Variants in MIB1 observed in about 807,000 individuals in gnomAD.
MIB1 encodes the protein E3 ubiquitin-protein ligase MIB1.
Under a neutral mutation model 124.5 loss-of-function variants are expected in MIB1, and 278 were observed. The ratio of observed to expected loss-of-function variants is 2.23; its 90% CI spans 2.02 to 2.47. MIB1 has a LOEUF of 2.47. Among genes scored for constraint, MIB1 ranks in the 30% most tolerant of loss-of-function variants. The probability of loss-of-function intolerance (pLI) is 0.00; values close to 1 mark genes in which losing one functional copy is unlikely to be tolerated. For missense variants in MIB1, 957 were observed against 1,254.4 expected, an observed-to-expected ratio of 0.76 and a Z score of 3.58; for synonymous variants, 446 against 429.4, an observed-to-expected ratio of 1.04 and a Z score of -0.48.
rs1405698148 is a variant in MIB1 at position 21,864,554 on chromosome 18, T to C, written c.2909T>C (p.Leu970Pro). 6.2e-7 allele frequency: 1 copy of C among 1,613,548 alleles called. No homozygotes were observed. Among genetic ancestry groups the C allele is most frequent in the East Asian group, 2.2e-5 (1 of 44,872 alleles). The change falls in exon 21 of 21, where the codon CTG becomes CCG. Residue 970 changes from leucine (L) to proline (P), a missense_variant. Coordinates refer to ENST00000261537, the MANE Select transcript of MIB1 (RefSeq NM_020774.4). ...QTMCPVCLDR[L>P]KNMIFLCGHG... ...ATGTGCCCTGTGTGTCTAGATCGTCTGAAGAATATGATTTTCCTTTGTGGT... is the reference window on the plus strand; with the variant it reads ...ATGTGCCCTGTGTGTCTAGATCGTCCGAAGAATATGATTTTCCTTTGTGGT...
chr18:21,817,154 C>CT (rs1040673828), intron 11 of MIB1, among the ~76,000 whole-genome samples: 23,652 of 75,124 alleles, frequency 0.31, 4,210 homozygotes, highest in African/African-American at 0.42. Context: ...GTTAGGAATT[C>CT]TTTTTTTTTT....
At chr18:21,738,074 A>C (rs2146368525), upstream of MIB1, among the ~76,000 whole-genome samples, 1 of 152,364 alleles carries the variant, frequency 6.6e-6, no homozygotes, top group South Asian at 2.1e-4. Flanking sequence ...TAGAATATAC[A>C]TTCTTCTCAG....
chr18:21,854,190 A>G (rs912684927), intron 18 of MIB1, among the ~76,000 whole-genome samples: 9 of 152,190 alleles, frequency 5.9e-5, no homozygotes, highest in Non-Finnish European at 8.8e-5. Flanking sequence ...TGTCTTAAGT[A>G]AAAAAGGACT....
upstream of MIB1, among the ~76,000 whole-genome samples, chr18:21,738,806 C>A (rs1168217492): frequency 2.3e-4 from 5 of 22,120 alleles, no homozygotes; most frequent in South Asian, 2.3e-3. Context: ...GACTCCATCT[C>A]AAAAAAAAAA....
At chr18:21,760,526 C>G (rs2041085998) in intron 1 of MIB1, among the ~76,000 whole-genome samples, 1 of 152,122 alleles carries the variant, frequency 6.6e-6, no homozygotes, top group African/African-American at 2.4e-5. Context: ...GTGTGGGAAC[C>G]AAGAAAGCAT....
At chr18:21,750,129 CTTCT>C (rs1228547031) in intron 1 of MIB1, among the ~76,000 whole-genome samples, 2 of 151,762 alleles carry the variant, frequency 1.3e-5, no homozygotes, top group Non-Finnish European at 2.9e-5. Flanking sequence ...CCTGCCCATA[CTTCT>C]TTCTTTATTT....
intron 4 of MIB1, among the ~76,000 whole-genome samples, chr18:21,777,144 C>T (rs768145702): frequency 1.3e-5 from 2 of 150,438 alleles, no homozygotes; most frequent in African/African-American, 4.9e-5. Context: ...GCTGGCCCGG[C>T]GTGGTGGCTT....
intron 8 of MIB1, among the ~76,000 whole-genome samples, chr18:21,799,587 A>G (rs745908252): frequency 5.3e-5 from 8 of 152,050 alleles, no homozygotes; most frequent in Non-Finnish European, 1.0e-4. Context: ...AATTATTATT[A>G]GTATATAATG....
At chr18:21,734,730 T>C (rs1030744056) in intron 1 of MIB1, among the ~76,000 whole-genome samples, 2 of 152,128 alleles carry the variant, frequency 1.3e-5, no homozygotes, top group African/African-American at 2.4e-5. Flanking sequence ...GGTTTCACCA[T>C]GTTGACCAGG....
chr18:21,742,893 A>G (rs1286477997), intron 1 of MIB1, among the ~76,000 whole-genome samples: 1 of 152,214 alleles, frequency 6.6e-6, no homozygotes, highest in Non-Finnish European at 1.5e-5. Flanking sequence ...CAGTTTTTGA[A>G]CAGATAATTC....
At chr18:21,783,721 G>A (rs1407539092) in intron 6 of MIB1, among the ~76,000 whole-genome samples, 2 of 150,926 alleles carry the variant, frequency 1.3e-5, no homozygotes, top group Non-Finnish European at 1.5e-5. Context: ...TTGGTAGTAC[G>A]TTTTAATGTG....
Position 21,819,493 on chromosome 18 carries a change from A to T in MIB1, c.1678-2A>T. On this transcript the variant is annotated splice_acceptor_variant, in intron 11 of 20. Coordinates refer to ENST00000261537, the MANE Select transcript of MIB1 (RefSeq NM_020774.4). LOFTEE classifies it high-confidence loss of function. ...CTAATGAAAATTTCTTTAAACTTAA[A>T]GGATTCTGAAGGTGATACCCCTCTT... The T allele has an allele frequency of 6.3e-7, 1 of 1,582,710 alleles. No homozygotes were observed. Among genetic ancestry groups the T allele is most frequent in the Non-Finnish European group, 8.6e-7 (1 of 1,160,872 alleles).
intron 12 of MIB1, among the ~76,000 whole-genome samples, chr18:21,835,362 C>T (rs551307335): frequency 1.1e-4 from 16 of 152,038 alleles, no homozygotes; most frequent in South Asian, 6.2e-4. Context: ...AAAGGAGAAA[C>T]GGCAGGACAA....
intron 1 of MIB1, among the ~76,000 whole-genome samples, chr18:21,720,798 A>G (rs554944322): frequency 6.6e-6 from 1 of 152,246 alleles, no homozygotes; most frequent in African/African-American, 2.4e-5. Context: ...AAAATAAGAA[A>G]TAAAAAATTA....
In MIB1 at chr18:21,779,486, C is replaced by A; in HGVS notation, c.709C>A (p.Gln237Lys). Residue 237 changes from glutamine to lysine, a missense_variant, in exon 6 of 21, where the codon CAG becomes AAG. Coordinates refer to ENST00000261537, the MANE Select transcript of MIB1 (RefSeq NM_020774.4). Reference sequence around the variant, plus strand: ...AATTGCCTCTGAAATTACAGGTGAGCAGAATGGCAACAGGAATCCTGGTGG... The same window carrying A: ...AATTGCCTCTGAAATTACAGGTGAGAAGAATGGCAACAGGAATCCTGGTGG... The part of the protein sequence containing the change: ...YRDHCPVLGE[Q>K]NGNRNPGGLQ... 6.2e-7 allele frequency: 1 copy of A among 1,613,802 alleles called. No homozygotes were observed. The highest frequency in any genetic ancestry group is 1.7e-5 in the Admixed American group (1 of 60,022).
intron 1 of MIB1, among the ~76,000 whole-genome samples, chr18:21,750,873 T>A (rs1451186288): frequency 6.6e-6 from 1 of 152,154 alleles, no homozygotes; most frequent in Non-Finnish European, 1.5e-5. Flanking sequence ...CCAACCATAC[T>A]CCTGTAAATA....
chr18:21,741,947 C>T lies in MIB1; in HGVS notation c.229+135C>T. On this transcript the variant is annotated intron_variant, in intron 1 of 20. Transcript: ENST00000261537. The surrounding 1 kb of genome is among the most constrained non-coding windows in gnomAD (Gnocchi z 5.4). ...CGCCCGGCTGGAGCGAGCGGAAAGG[C>T]AAAGCGCCAAAGGAATTCTAGGTTC... is the stretch of plus-strand genomic sequence containing the variant. The T allele has an allele frequency of 1.4e-6, 1 of 735,224 alleles. No homozygotes were observed. Among genetic ancestry groups the T allele is most frequent in the East Asian group, 2.9e-5 (1 of 34,512 alleles). The allele number at this position is 735,224 out of a possible 1,614,324, so 45.5% of individuals were successfully genotyped here. A position where few individuals can be genotyped will look rare whatever the true frequency, so the allele number is the denominator to read the frequency against.
Position 21,843,119 on chromosome 18 carries a change from CTTCTCG to C in MIB1, c.1963-8_1963-3del. 6.3e-7 allele frequency: 1 copy of C among 1,591,668 alleles called. No individual in the cohort carries two copies. The highest frequency in any genetic ancestry group is 8.6e-7 in the Non-Finnish European group (1 of 1,169,012). ...AAATTTTAACCATTTAACATTTGTT[CTTCTCG>C]TTCAGGGTAATGCAAACCTGGATAT... On this transcript the variant is annotated splice_region_variant and splice_polypyrimidine_tract_variant and intron_variant, in intron 13 of 20. Coordinates refer to ENST00000261537, the MANE Select transcript of MIB1 (RefSeq NM_020774.4).
intron 1 of MIB1, among the ~76,000 whole-genome samples, chr18:21,730,317 A>G (rs1339778965): frequency 6.6e-6 from 1 of 152,216 alleles, no homozygotes; most frequent in Non-Finnish European, 1.5e-5. Context: ...CTGTAATCCC[A>G]GCACTTCGGG....
Sources: allele counts gnomAD v4.1 joint callset (sites outside exome capture counted in the v4.1 genomes callset), GRCh38; gene constraint gnomAD v4.1.1; non-coding constraint Gnocchi (gnomAD v3.1); transcripts MANE v1.5; gene names NCBI Gene and HGNC (gene_info 2026-07-23, HGNC 2026-07-21).